HMGCLL1: variants seen among roughly 807,000 people sequenced by gnomAD.
The protein encoded by HMGCLL1 is 3-hydroxy-3-methylglutaryl-CoA lyase like 1, also known as 3-hydroxymethyl-3-methylglutaryl-CoA lyase, cytoplasmic.
HMGCLL1 carries 36 observed loss-of-function variants against 39.1 expected under a neutral mutation model. The observed-to-expected ratio is 0.92, with a 90% CI of 0.71 to 1.22. The LOEUF (loss-of-function observed/expected upper bound fraction) is 1.22, where lower values mean the gene tolerates loss of function less well. HMGCLL1 is among the 50% of genes most tolerant of loss of function. The probability of loss-of-function intolerance (pLI) is 0.00; values close to 1 mark genes in which losing one functional copy is unlikely to be tolerated. For missense variants in HMGCLL1, 451 were observed against 416.5 expected, an observed-to-expected ratio of 1.08 and a Z score of -0.72; for synonymous variants, 149 against 144.0, an observed-to-expected ratio of 1.03 and a Z score of -0.25.
At chr6:55,509,676 TTA>T (rs1767338905) in intron 5 of HMGCLL1, among the ~76,000 whole-genome samples, 1 of 151,822 alleles carries the variant, frequency 6.6e-6, no homozygotes, top group South Asian at 2.1e-4. Context: ...AGGATGAGAA[TTA>T]TATAGAGCTG....
intron 7 of HMGCLL1, among the ~76,000 whole-genome samples, chr6:55,451,219 AC>A (rs1764066296): frequency 6.6e-6 from 1 of 152,188 alleles, no homozygotes; most frequent in Admixed American, 6.5e-5. Context: ...CAAATCACAG[AC>A]TTTTACAACT....
In HMGCLL1 at chr6:55,456,193, T is replaced by C. The variant is rs1209407589; in HGVS notation, c.796-16634A>G. Among the ~76,000 whole-genome samples, 3 of 152,266 alleles carry C rather than the reference T, an allele frequency of 2.0e-5. No individual in the cohort carries two copies. In the East Asian group the frequency reaches 5.8e-4, roughly 29 times the overall value. On this transcript the variant is annotated intron_variant, in intron 7 of 8. Coordinates refer to ENST00000274901, the MANE Select transcript of HMGCLL1 (RefSeq NM_001042406.2). ...TTAAAACATTTGCTGAAGATTCTCA[T>C]TGAGGAGTGCCAAACCCACACATAT...
chr6:55,631,584 C>A, the HMGCLL1 span, among the ~76,000 whole-genome samples: 8 of 152,170 alleles, frequency 5.3e-5, no homozygotes, highest in South Asian at 1.7e-3. Flanking sequence ...TTGCATTTTT[C>A]ATTAAGCCTC....
intron 7 of HMGCLL1, among the ~76,000 whole-genome samples, chr6:55,448,021 C>T (rs578000040): frequency 6.6e-6 from 1 of 152,232 alleles, no homozygotes; most frequent in African/African-American, 2.4e-5. Flanking sequence ...GCTTCCTTTT[C>T]TTATGAGACT....
chr6:55,670,559 T>A, the HMGCLL1 span, among the ~76,000 whole-genome samples: 3 of 151,866 alleles, frequency 2.0e-5, no homozygotes, highest in Admixed American at 2.0e-4. Flanking sequence ...GATACCTACA[T>A]CATAAAGGGG....
intron 7 of HMGCLL1, among the ~76,000 whole-genome samples, chr6:55,448,923 T>C (rs1321075729): frequency 6.6e-6 from 1 of 152,160 alleles, no homozygotes; most frequent in Non-Finnish European, 1.5e-5. Context: ...GATGTTAACA[T>C]ATCCAGCTTC....
the HMGCLL1 span, among the ~76,000 whole-genome samples, chr6:55,668,065 A>G: frequency 6.6e-6 from 1 of 152,038 alleles, no homozygotes; most frequent in Non-Finnish European, 1.5e-5. Context: ...ATATAAGTAC[A>G]TGACTTGGAT....
chr6:55,550,148 G>C (rs1238971241), intron 1 of HMGCLL1, among the ~76,000 whole-genome samples: 1 of 151,976 alleles, frequency 6.6e-6, no homozygotes, highest in East Asian at 1.9e-4. Context: ...GGTGGCAGAA[G>C]GGGTTGAGAA....
intron 7 of HMGCLL1, among the ~76,000 whole-genome samples, chr6:55,494,782 T>C (rs1766490334): frequency 6.6e-6 from 1 of 152,164 alleles, no homozygotes; most frequent in African/African-American, 2.4e-5. Flanking sequence ...TTTAAAATAA[T>C]ACTCGTTTAA....
At chr6:55,509,303 T>C (rs1408515531) in intron 5 of HMGCLL1, among the ~76,000 whole-genome samples, 1 of 151,850 alleles carries the variant, frequency 6.6e-6, no homozygotes, top group Non-Finnish European at 1.5e-5. Flanking sequence ...AAGTGTTCCA[T>C]AGAGGTAGAT....
At chr6:55,494,896 A>G (rs1581854937) in intron 7 of HMGCLL1, among the ~76,000 whole-genome samples, 1 of 152,356 alleles carries the variant, frequency 6.6e-6, no homozygotes. Context: ...ACTTTATCAT[A>G]TAATGGAATA....
chr6:55,633,814 A>G, the HMGCLL1 span, among the ~76,000 whole-genome samples: 1 of 152,086 alleles, frequency 6.6e-6, no homozygotes. Context: ...TCTAAAAAAT[A>G]CTTAAATGAT....
At chr6:55,543,101 ATATGATATAATATATAATATATATC>A (rs1243011925) in intron 1 of HMGCLL1, among the ~76,000 whole-genome samples, 486 of 28,020 alleles carry the variant, frequency 0.017, 225 homozygotes, top group Admixed American at 0.028. Context: ...ATAATATAAT[ATATGATATAATATATAATATATATC>A]ATATATATGA....
chr6:55,538,587 C>T (rs1769159923), intron 3 of HMGCLL1, among the ~76,000 whole-genome samples: 2 of 152,072 alleles, frequency 1.3e-5, no homozygotes, highest in South Asian at 4.1e-4. Context: ...GTTTTGTGAC[C>T]TTCATTATAC....
At position 55,435,752 on chromosome 6, in the gene HMGCLL1, T is replaced by G. The variant is rs777085117; in HGVS notation, c.933A>C (p.Leu311=). 6 of 1,586,294 alleles carry G rather than the reference T, an allele frequency of 3.8e-6. No homozygotes were observed. Among genetic ancestry groups the G allele is most frequent in the Middle Eastern group, 1.7e-4 (1 of 5,956 alleles). Residue 311 remains leucine (L), a synonymous_variant, in exon 9 of 9, where the codon CTA becomes CTC. Coordinates refer to ENST00000274901, the MANE Select transcript of HMGCLL1 (RefSeq NM_001042406.2). The part of the protein sequence containing the change: ...NGLGLNTGVN[L]YKVMEAGDFI... ...AGTCACCAGCTTCCATCACTTTGTATAGATTCACACCCTGGTGACGAAATG... is the reference window on the plus strand; with the variant it reads ...AGTCACCAGCTTCCATCACTTTGTAGAGATTCACACCCTGGTGACGAAATG...
At chr6:55,509,520 T>C (rs145222418) in intron 5 of HMGCLL1, among the ~76,000 whole-genome samples, 9 of 151,928 alleles carry the variant, frequency 5.9e-5, no homozygotes, top group East Asian at 3.9e-4. Context: ...GTGACCTAGG[T>C]GGTTTGGCTA....
chr6:55,618,387 T>C, the HMGCLL1 span, among the ~76,000 whole-genome samples: 2 of 152,004 alleles, frequency 1.3e-5, no homozygotes, highest in Non-Finnish European at 1.5e-5. Context: ...AGCAAATCAT[T>C]AATAAAATTA....
At chr6:55,639,290 T>C in the HMGCLL1 span, among the ~76,000 whole-genome samples, 1 of 151,792 alleles carries the variant, frequency 6.6e-6, no homozygotes, top group South Asian at 2.1e-4. Context: ...GGACAGTACC[T>C]TATTAGCAAA....
At chr6:55,627,922 A>ATATATATAG in the HMGCLL1 span, among the ~76,000 whole-genome samples, 1 of 2,368 alleles carries the variant, frequency 4.2e-4, no homozygotes, top group East Asian at 0.026. Flanking sequence ...TATATATATA[A>ATATATATAG]TATATATACT....
Sources: allele counts gnomAD v4.1 joint callset (sites outside exome capture counted in the v4.1 genomes callset), GRCh38; gene constraint gnomAD v4.1.1; transcripts MANE v1.5; gene names NCBI Gene and HGNC (gene_info 2026-07-23, HGNC 2026-07-21).